The following RPS6KC1 variants were observed in gnomAD, a reference collection of about 807,000 sequenced individuals.
The protein encoded by RPS6KC1 is ribosomal protein S6 kinase C1.
In RPS6KC1, 54 loss-of-function variants were observed where a neutral mutation model predicts 103.8. The observed-to-expected ratio is 0.52, with a 90% CI of 0.42 to 0.65. RPS6KC1 has a LOEUF of 0.65. RPS6KC1 is among the 30% of genes least tolerant of loss of function. The pLI is 0.00. For synonymous variants in RPS6KC1, 439 were observed against 438.7 expected (o/e 1.00, Z -0.01); for missense variants, 1,151 against 1,253.8 (o/e 0.92, Z 1.24).
chr1:213,520,285 A>G, the RPS6KC1 span, among the ~76,000 whole-genome samples: 1 of 152,188 alleles, frequency 6.6e-6, no homozygotes, highest in Non-Finnish European at 1.5e-5. Context: ...GACTTCTTAC[A>G]TGGCAGCAGG....
chr1:213,359,069 G>A, the RPS6KC1 span, among the ~76,000 whole-genome samples: 1 of 152,176 alleles, frequency 6.6e-6, no homozygotes, highest in South Asian at 2.1e-4. Context: ...ATGTCTGTTA[G>A]TTCTGCTTGG....
At chr1:213,747,437 CTTTGAAGGA>C in the RPS6KC1 span, among the ~76,000 whole-genome samples, 1 of 152,244 alleles carries the variant, frequency 6.6e-6, no homozygotes, top group Middle Eastern at 3.4e-3. Flanking sequence ...TAGAAAACTC[CTTTGAAGGA>C]TTCCACTGCA....
chr1:213,663,446 C>T, the RPS6KC1 span, among the ~76,000 whole-genome samples: 1 of 152,160 alleles, frequency 6.6e-6, no homozygotes, highest in African/African-American at 2.4e-5. Context: ...CCTGGGCTAC[C>T]TCTTCCTCTT....
At chr1:213,307,488 A>C in the RPS6KC1 span, among the ~76,000 whole-genome samples, 1 of 152,110 alleles carries the variant, frequency 6.6e-6, no homozygotes, top group South Asian at 2.1e-4. Flanking sequence ...TGCCTACCTC[A>C]TTCCTCTGGC....
At chr1:213,567,651 G>A in the RPS6KC1 span, among the ~76,000 whole-genome samples, 824 of 152,328 alleles carry the variant, frequency 5.4e-3, 11 homozygotes, top group African/African-American at 0.019. Flanking sequence ...TGAAAGTTGT[G>A]TTAGGCATTT....
chr1:213,403,339 G>T, the RPS6KC1 span, among the ~76,000 whole-genome samples: 1 of 151,914 alleles, frequency 6.6e-6, no homozygotes, highest in Admixed American at 6.6e-5. Flanking sequence ...TACTTTTCCT[G>T]GCTCTCTCCC....
the RPS6KC1 span, among the ~76,000 whole-genome samples, chr1:213,654,017 A>G: frequency 9.6e-4 from 147 of 152,344 alleles, 1 homozygote; most frequent in Admixed American, 2.7e-3. Context: ...TTCAAAGTGT[A>G]TAGACCCTAC....
intron 4 of RPS6KC1, among the ~76,000 whole-genome samples, chr1:213,105,216 GTTTT>G (rs79795539): frequency 3.7e-4 from 49 of 131,190 alleles, no homozygotes; most frequent in Admixed American, 2.4e-3. Context: ...TTCATTTTAA[GTTTT>G]TTTTTTTTTT....
At chr1:213,142,655 C>T (rs974184552) in intron 6 of RPS6KC1, among the ~76,000 whole-genome samples, 3 of 152,016 alleles carry the variant, frequency 2.0e-5, no homozygotes, top group African/African-American at 7.2e-5. Context: ...GGGCTGCCAT[C>T]CGGTAGATGG....
intron 6 of RPS6KC1, among the ~76,000 whole-genome samples, chr1:213,143,253 C>T (rs61834119): frequency 0.034 from 5,197 of 152,016 alleles, 138 homozygotes; most frequent in Middle Eastern, 0.054. Flanking sequence ...GTCTGTTTCA[C>T]ATAAAAGGTG....
intron 1 of RPS6KC1, among the ~76,000 whole-genome samples, chr1:213,052,635 A>T (rs974533939): frequency 2.6e-5 from 4 of 151,758 alleles, no homozygotes; most frequent in Non-Finnish European, 5.9e-5. Context: ...CTGCCTCCTG[A>T]GTTCAAGCGA....
chr1:213,272,757 A>G lies in RPS6KC1; in HGVS notation c.*123A>G. 1.5e-6 allele frequency: 1 copy of G among 676,978 alleles called. No homozygotes were observed. 41.9% of individuals were successfully genotyped at this position (676,978 alleles called of 1,614,324 possible). A position where few individuals can be genotyped will look rare whatever the true frequency, so the allele number is the denominator to read the frequency against. On this transcript the variant is annotated 3_prime_UTR_variant, in exon 15 of 15. Transcript: ENST00000366960. The stretch of plus-strand genomic sequence containing the variant: ...AAAGCATTTGGATAAAGACCGTTAT[A>G]GGAAATGGGGGGGAAATGGCTAAAA...
chr1:213,485,752 C>T, the RPS6KC1 span, among the ~76,000 whole-genome samples: 38 of 152,258 alleles, frequency 2.5e-4, no homozygotes, highest in South Asian at 7.9e-3. Context: ...AGCAACTCTG[C>T]TAGCCGCTGG....
the RPS6KC1 span, among the ~76,000 whole-genome samples, chr1:213,632,451 CA>C: frequency 6.6e-6 from 1 of 152,160 alleles, no homozygotes; most frequent in East Asian, 1.9e-4. Context: ...GCAGCTGAGG[CA>C]CCTGACTGTT....
the RPS6KC1 span, among the ~76,000 whole-genome samples, chr1:213,545,411 T>TAAATAAATAAAAA: frequency 1.1e-3 from 81 of 75,284 alleles, no homozygotes; most frequent in Middle Eastern, 6.9e-3. Flanking sequence ...AATAAATAAA[T>TAAATAAATAAAAA]AAATAAAATA....
the RPS6KC1 span, among the ~76,000 whole-genome samples, chr1:213,722,118 G>T: frequency 1.3e-5 from 2 of 152,104 alleles, no homozygotes; most frequent in Admixed American, 1.3e-4. Context: ...ATGTACTCCA[G>T]GCAGAAAAAG....
At chr1:213,853,266 C>A in the RPS6KC1 span, among the ~76,000 whole-genome samples, 1 of 152,196 alleles carries the variant, frequency 6.6e-6, no homozygotes, top group Non-Finnish European at 1.5e-5. Context: ...GGTAACTACA[C>A]CCCCTGTCCA....
the RPS6KC1 span, among the ~76,000 whole-genome samples, chr1:213,464,868 A>G: frequency 6.6e-6 from 1 of 151,906 alleles, no homozygotes; most frequent in Non-Finnish European, 1.5e-5. Context: ...GTGGTGTGCC[A>G]CATAGTTCTC....
At chr1:213,378,482 G>A in the RPS6KC1 span, among the ~76,000 whole-genome samples, 7 of 152,254 alleles carry the variant, frequency 4.6e-5, no homozygotes, top group East Asian at 3.9e-4. Context: ...TGTTTTTCTC[G>A]TCTTGATATA....
Sources: gnomAD v4.1 joint callset for allele counts (sites outside exome capture counted in the v4.1 genomes callset) on GRCh38, gnomAD v4.1.1 for gene constraint, MANE v1.5 for transcripts, NCBI Gene and HGNC (gene_info 2026-07-23, HGNC 2026-07-21) for gene names.